Variants in CLIP1 observed in about 807,000 individuals in gnomAD.
CLIP1 encodes the protein CAP-Gly domain containing linker protein 1, also known as CAP-Gly domain-containing linker protein 1.
In CLIP1, 66 loss-of-function variants were observed where a neutral mutation model predicts 161.6. The observed-to-expected ratio is 0.41, with a 90% confidence interval of 0.33 to 0.50. The LOEUF (loss-of-function observed/expected upper bound fraction) is 0.50. Ranked by LOEUF, CLIP1 falls within the 20% of genes least tolerant of loss-of-function variation. CLIP1 has a pLI of 0.27. For synonymous variants in CLIP1, 598 were observed against 626.2 expected, an observed-to-expected ratio of 0.96 and a Z score of 0.67; for missense variants, 1,376 against 1,702.0, an observed-to-expected ratio of 0.81 and a Z score of 3.37.
intron 1 of CLIP1, among the ~76,000 whole-genome samples, chr12:122,415,163 G>A (rs1956694363): frequency 6.6e-6 from 1 of 152,140 alleles, no homozygotes; most frequent in Admixed American, 6.6e-5. Context: ...GGCAAATACT[G>A]ACGACTGACA....
At chr12:122,415,146 G>A (rs1206159227) in intron 1 of CLIP1, among the ~76,000 whole-genome samples, 1 of 152,076 alleles carries the variant, frequency 6.6e-6, no homozygotes, top group Non-Finnish European at 1.5e-5. Context: ...CTAAAAACTC[G>A]TATCTTGGCA....
intron 19 of CLIP1, among the ~76,000 whole-genome samples, chr12:122,310,357 C>CCAGT (rs1951019154): frequency 6.6e-6 from 1 of 152,170 alleles, no homozygotes; most frequent in Admixed American, 6.5e-5. Context: ...GTCCCATTTA[C>CCAGT]CAGTATCTGT....
intron 1 of CLIP1, among the ~76,000 whole-genome samples, chr12:122,415,399 G>A (rs985270862): frequency 4.0e-5 from 6 of 149,232 alleles, no homozygotes; most frequent in African/African-American, 1.5e-4. Context: ...GGAGAATGCC[G>A]TGAACCTGGG....
intron 1 of CLIP1, among the ~76,000 whole-genome samples, chr12:122,404,912 C>CAAAAAAAAAAAAAAAAAAA (rs373167612): frequency 1.6e-5 from 2 of 124,212 alleles, no homozygotes; most frequent in Non-Finnish European, 1.7e-5. Flanking sequence ...AAAAAAAAAA[C>CAAAAAAAAAAAAAAAAAAA]AAAACAAAAA....
chr12:122,382,275 T>C lies in CLIP1; in HGVS notation c.-106-1717A>G, dbSNP rs866958563. On this transcript the variant is annotated intron_variant, in intron 1 of 25. Coordinates refer to ENST00000620786, the MANE Select transcript of CLIP1 (RefSeq NM_001247997.2). ...ACTCGAGAGGCTGCAGCAGGAGAAC[T>C]GCTTGAACCCGGGAGGCAGAGGTTG... Among the ~76,000 whole-genome samples the C allele has an allele frequency of 5.3e-5, 8 of 151,650 alleles. No individual in the cohort carries two copies. The South Asian group carries it at 6.2e-4, about 12-fold the overall frequency.
chr12:122,358,422 C>G (rs1394558607), intron 5 of CLIP1, among the ~76,000 whole-genome samples: 2 of 139,714 alleles, frequency 1.4e-5, no homozygotes, highest in East Asian at 4.2e-4. Context: ...GAGAAACACC[C>G]AAGAATGAAC....
At chr12:122,368,328 A>G (rs1234158028) in intron 3 of CLIP1, among the ~76,000 whole-genome samples, 2 of 152,242 alleles carry the variant, frequency 1.3e-5, no homozygotes, top group Non-Finnish European at 2.9e-5. Context: ...GTACATCAAG[A>G]GATTTCTACA....
chr12:122,286,306 C>G (rs1057180260), intron 21 of CLIP1, among the ~76,000 whole-genome samples: 2 of 151,698 alleles, frequency 1.3e-5, no homozygotes, highest in African/African-American at 4.8e-5. Flanking sequence ...ATCACGAGGT[C>G]AGGAGTTAGA....
At chr12:122,288,324 C>G (rs1955942494) in intron 21 of CLIP1, among the ~76,000 whole-genome samples, 165 bp downstream of exon 21, 1 of 152,144 alleles carries the variant, frequency 6.6e-6, no homozygotes, top group South Asian at 2.1e-4. Flanking sequence ...ACACCTAGCC[C>G]TGCAAATGGA....
At chr12:122,406,548 T>C (rs1956334810) in intron 1 of CLIP1, among the ~76,000 whole-genome samples, 1 of 152,194 alleles carries the variant, frequency 6.6e-6, no homozygotes, top group Non-Finnish European at 1.5e-5. Flanking sequence ...AAGTGTTGAT[T>C]TGAGAATATC....
At chr12:122,302,310 G>A (rs1204324416) in intron 20 of CLIP1, among the ~76,000 whole-genome samples, 1 of 151,970 alleles carries the variant, frequency 6.6e-6, no homozygotes, top group Non-Finnish European at 1.5e-5. Flanking sequence ...CCATGTTGGT[G>A]AGGCTGGTCT....
At chr12:122,378,093 T>G in intron 2 of CLIP1, 133 bp from the exon 3 acceptor site, 1 of 764,856 alleles carries the variant, frequency 1.3e-6, no homozygotes, top group Non-Finnish European at 2.1e-6. Flanking sequence ...TAAAGTGTGG[T>G]TTTTTGTTCT....
chr12:122,347,333 C>T (rs2136402076), intron 10 of CLIP1, 42 bp downstream of exon 10: 1 of 1,418,316 alleles, frequency 7.1e-7, no homozygotes, highest in Non-Finnish European at 1.0e-6. Context: ...GTCCACCCTT[C>T]ACATGCATGG....
chr12:122,336,016 T>C (rs930052892), intron 12 of CLIP1, among the ~76,000 whole-genome samples: 1 of 152,040 alleles, frequency 6.6e-6, no homozygotes, highest in African/African-American at 2.4e-5. Flanking sequence ...ATCAGCCTTG[T>C]TTAAACTCGG....
intron 7 of CLIP1, among the ~76,000 whole-genome samples, chr12:122,354,098 TGAA>T (rs1378413788): frequency 4.6e-5 from 7 of 151,862 alleles, no homozygotes; most frequent in African/African-American, 1.7e-4. Flanking sequence ...CTGAGGTCAT[TGAA>T]AATGAAAAGG....
At position 122,272,968 on chromosome 12, in the gene CLIP1, G is replaced by C; in HGVS notation, c.4224C>G (p.His1408Gln). The change falls in exon 26 of 26, where the codon CAC (histidine) becomes CAG (glutamine). Residue 1408 changes from histidine (H) to glutamine (Q), a missense_variant. By Grantham distance (24) the His-to-Gln change is conservative (BLOSUM62 0). This residue lies in a region of CLIP1 where 948 missense variants were observed against 1,134.8 expected (regional missense o/e 0.84). Transcript: ENST00000620786. ...GGCGTTCCTCACCCCGACTGCCATG[G>C]TGTGTGGAATGGGGAGGGTCCTCTG... ...QMSEDPPHST[H>Q]HGSRGEERPY... The C allele has an allele frequency of 6.2e-7, 1 of 1,614,212 alleles. No individual in the cohort carries two copies. The highest frequency in any genetic ancestry group is 1.1e-5 in the South Asian group (1 of 91,084).
intron 1 of CLIP1, among the ~76,000 whole-genome samples, chr12:122,402,135 T>C (rs532699268): frequency 6.6e-6 from 1 of 152,292 alleles, no homozygotes; most frequent in East Asian, 1.9e-4. Flanking sequence ...TCCATATTTT[T>C]AAAAATGAAA....
rs970897310 is a variant in CLIP1, at chr12:122,271,747, C to T, written c.*1128G>A. The T allele has an allele frequency of 4.6e-5, 7 of 152,606 alleles. No homozygotes were observed. The highest frequency in any genetic ancestry group is 6.5e-5 in the Admixed American group (1 of 15,276). The allele number at this position is 152,606 out of a possible 1,614,324, so 9.5% of individuals were successfully genotyped here. A position where few individuals can be genotyped will look rare whatever the true frequency, so the allele number is the denominator to read the frequency against. On this transcript the variant is annotated 3_prime_UTR_variant, in exon 26 of 26. Coordinates refer to ENST00000620786, the MANE Select transcript of CLIP1 (RefSeq NM_001247997.2). ...GATTCAAACTGGTCGATAAACTGTTCAGGTGCTTTGAGGTCCTTCATTTTC... is the reference window on the plus strand; with the variant it reads ...GATTCAAACTGGTCGATAAACTGTTTAGGTGCTTTGAGGTCCTTCATTTTC...
At chr12:122,287,584 G>C (rs1211051480) in intron 21 of CLIP1, among the ~76,000 whole-genome samples, 1 of 152,162 alleles carries the variant, frequency 6.6e-6, no homozygotes, top group Non-Finnish European at 1.5e-5. Context: ...GTGTAGCACA[G>C]ACATTCTCTA....
Sources: allele counts gnomAD v4.1 joint callset (sites outside exome capture counted in the v4.1 genomes callset), GRCh38; gene constraint gnomAD v4.1.1; regional missense constraint gnomAD v4.1.1; transcripts MANE v1.5; gene names NCBI Gene and HGNC (gene_info 2026-07-23, HGNC 2026-07-21).